Variants in MOXD1 observed in about 807,000 individuals in gnomAD.
MOXD1 encodes DBH-like monooxygenase protein 1.
MOXD1 carries 62 observed loss-of-function variants against 66.6 expected under a neutral mutation model. The ratio of observed to expected loss-of-function variants is 0.93; its 90% CI spans 0.76 to 1.15. The LOEUF (loss-of-function observed/expected upper bound fraction) is 1.15. MOXD1 is among the 50% of genes most tolerant of loss of function. The pLI, the probability that MOXD1 is intolerant of heterozygous loss-of-function variation, is 0.00. For synonymous variants in MOXD1, 303 were observed against 281.9 expected (o/e 1.07, Z -0.75); for missense variants, 847 against 754.6 (o/e 1.12, Z -1.44).
chr6:132,339,392 C>T (rs1418983284), intron 4 of MOXD1, among the ~76,000 whole-genome samples: 1 of 152,040 alleles, frequency 6.6e-6, no homozygotes. Flanking sequence ...CAACAAAAGC[C>T]CCACCTATAT....
At chr6:132,306,296 T>C (rs974303184) in intron 10 of MOXD1, among the ~76,000 whole-genome samples, 1 of 151,574 alleles carries the variant, frequency 6.6e-6, no homozygotes, top group Non-Finnish European at 1.5e-5. Flanking sequence ...AAATAAGGCA[T>C]GCAGACAAGA....
At chr6:132,393,115 A>C (rs756264540) in intron 1 of MOXD1, among the ~76,000 whole-genome samples, 2 of 152,008 alleles carry the variant, frequency 1.3e-5, no homozygotes, top group Non-Finnish European at 2.9e-5. Flanking sequence ...CAGTTGAAAA[A>C]TTACCAACTG....
chr6:132,297,859 G>GT lies in MOXD1; in HGVS notation c.1604_1605insA (p.Ser536LeufsTer22). The GT allele has an allele frequency of 1.9e-6, 3 of 1,613,532 alleles. No homozygotes were observed. The highest frequency in any genetic ancestry group is 2.5e-6 in the Non-Finnish European group (3 of 1,179,684). On this transcript the variant is annotated frameshift_variant, in exon 11 of 12. Transcript: ENST00000367963. LOFTEE classifies it high-confidence loss of function. ...GGCTGAGGACCAGCTTGTTGAAGGA[G>GT]AGACCTTCCTTTTTAGTCCATTTAA...
chr6:132,354,998 C>T lies in MOXD1; in HGVS notation c.663+17610G>A, dbSNP rs190377206. Among the ~76,000 whole-genome samples the T allele has an allele frequency of 3.8e-3, 581 of 152,250 alleles. 3 individuals carry two copies. The highest frequency in any genetic ancestry group is 0.034 in the Middle Eastern group (10 of 292). On this transcript the variant is annotated intron_variant, in intron 4 of 11. Transcript: ENST00000367963. Reference sequence around the variant, plus strand: ...CAATCTGAAGGGCTGGTCTCCCTCCCATCATGCCCCTCCCCCAACATCCTG... The same window carrying T: ...CAATCTGAAGGGCTGGTCTCCCTCCTATCATGCCCCTCCCCCAACATCCTG...
chr6:132,399,559 T>C (rs1776973986), intron 1 of MOXD1, among the ~76,000 whole-genome samples: 1 of 152,242 alleles, frequency 6.6e-6, no homozygotes, highest in South Asian at 2.1e-4. Flanking sequence ...TATTATGGCA[T>C]GTTGAATCAG....
At chr6:132,379,248 T>C (rs1179191470) in intron 1 of MOXD1, among the ~76,000 whole-genome samples, 1 of 151,754 alleles carries the variant, frequency 6.6e-6, no homozygotes, top group Non-Finnish European at 1.5e-5. Context: ...ATCAAAAGTC[T>C]AAAAAAGAAA....
At chr6:132,384,666 A>G (rs910517115) in intron 1 of MOXD1, among the ~76,000 whole-genome samples, 2 of 133,588 alleles carry the variant, frequency 1.5e-5, no homozygotes, top group Non-Finnish European at 3.0e-5. Context: ...TGTGTGGAGA[A>G]AGTAGTTTCC....
At chr6:132,397,652 A>C (rs867825624) in intron 1 of MOXD1, among the ~76,000 whole-genome samples, 309 of 119,036 alleles carry the variant, frequency 2.6e-3, no homozygotes, top group East Asian at 4.9e-3. Context: ...GAAAGAAAGA[A>C]AGAAAGAAAG....
chr6:132,358,489 G>A (rs1375566082), intron 4 of MOXD1, among the ~76,000 whole-genome samples: 1 of 152,066 alleles, frequency 6.6e-6, no homozygotes, highest in Non-Finnish European at 1.5e-5. Flanking sequence ...CACAGTGTTT[G>A]GTACATGATG....
intron 7 of MOXD1, 66 bp downstream of exon 7, chr6:132,323,865 C>A: frequency 6.9e-7 from 1 of 1,442,626 alleles, no homozygotes; most frequent in East Asian, 2.5e-5. Context: ...CGGAATTTTT[C>A]ACACCACAGT....
chr6:132,353,089 C>T (rs1275945240), intron 4 of MOXD1, among the ~76,000 whole-genome samples: 1 of 152,110 alleles, frequency 6.6e-6, no homozygotes, highest in Non-Finnish European at 1.5e-5. Flanking sequence ...AGTTCTTATC[C>T]ATTCTGCAGT....
chr6:132,372,607 C>T lies in MOXD1; in HGVS notation c.663+1G>A. 6.2e-7 allele frequency: 1 copy of T among 1,608,920 alleles called. No individual in the cohort carries two copies. Among genetic ancestry groups the T allele is most frequent in the Non-Finnish European group, 8.5e-7 (1 of 1,175,350 alleles). On this transcript the variant is annotated splice_donor_variant, in intron 4 of 11. Transcript: ENST00000367963. LOFTEE classifies it high-confidence loss of function. ...TTTTAGCCTATGAATGAGTCACATA[C>T]CTTTATTACATGATGCTTTTCTTGG...
chr6:132,349,343 A>G (rs1443305058), intron 4 of MOXD1, among the ~76,000 whole-genome samples: 2 of 145,636 alleles, frequency 1.4e-5, no homozygotes, highest in South Asian at 2.2e-4. Flanking sequence ...GTATTCCATC[A>G]TATATATAGA....
At chr6:132,382,986 G>A (rs9399022) in intron 1 of MOXD1, among the ~76,000 whole-genome samples, 19,444 of 152,104 alleles carry the variant, frequency 0.13, 1,830 homozygotes, top group East Asian at 0.45. Context: ...ACTCTTACGG[G>A]TATAATAAAA....
At chr6:132,346,104 T>C (rs1775664458) in intron 4 of MOXD1, among the ~76,000 whole-genome samples, 1 of 152,092 alleles carries the variant, frequency 6.6e-6, no homozygotes, top group African/African-American at 2.4e-5. Context: ...CTAATAATTC[T>C]ATCCAAGAAA....
At chr6:132,394,160 A>G (rs1280279959) in intron 1 of MOXD1, among the ~76,000 whole-genome samples, 1 of 152,118 alleles carries the variant, frequency 6.6e-6, no homozygotes, top group Non-Finnish European at 1.5e-5. Context: ...ACCTCCACTA[A>G]TAATCACACC....
At chr6:132,323,895 T>A in intron 7 of MOXD1, 36 bp downstream of exon 7, 1 of 1,530,822 alleles carries the variant, frequency 6.5e-7, no homozygotes, top group Non-Finnish European at 8.8e-7. Flanking sequence ...CATTGATGAA[T>A]CTGCAGAGAG....
chr6:132,380,893 GT>G (rs1299391552), intron 1 of MOXD1, among the ~76,000 whole-genome samples: 1 of 152,060 alleles, frequency 6.6e-6, no homozygotes, highest in Non-Finnish European at 1.5e-5. Flanking sequence ...TGGGAATGTT[GT>G]TGTGACCTTT....
intron 4 of MOXD1, among the ~76,000 whole-genome samples, chr6:132,334,665 A>C (rs1233005955): frequency 6.6e-6 from 1 of 152,168 alleles, no homozygotes; most frequent in Non-Finnish European, 1.5e-5. Context: ...CAATTTATGC[A>C]CACCTCCTAA....
Sources: gnomAD v4.1 joint callset for allele counts (sites outside exome capture counted in the v4.1 genomes callset) on GRCh38, gnomAD v4.1.1 for gene constraint, MANE v1.5 for transcripts, NCBI Gene and HGNC (gene_info 2026-07-23, HGNC 2026-07-21) for gene names.